The following CNIH2 variants were observed in gnomAD, a reference collection of about 807,000 sequenced individuals.
The protein encoded by CNIH2 is protein cornichon homolog 2.
In CNIH2, 8 loss-of-function variants were observed where a neutral mutation model predicts 22.9. That is an observed-to-expected ratio of 0.35 (90% CI 0.20 to 0.63). The LOEUF is 0.63. Among genes scored for constraint, CNIH2 ranks in the 30% least tolerant of loss-of-function variants. The probability of loss-of-function intolerance (pLI) is 0.72; values close to 1 mark genes in which losing one functional copy is unlikely to be tolerated. For missense variants in CNIH2, 105 were observed against 206.2 expected, an observed-to-expected ratio of 0.51 and a Z score of 3.01; for synonymous variants, 74 against 78.2, an observed-to-expected ratio of 0.95 and a Z score of 0.28.
chr11:66,282,499 T>C, intron 2 of CNIH2, 172 bp downstream of exon 2: 2 of 925,454 alleles, frequency 2.2e-6, no homozygotes, highest in Non-Finnish European at 3.4e-6. Flanking sequence ...CAGGGCTGAG[T>C]TCCTCTTGGC....
In CNIH2 at chr11:66,283,326, C is replaced by T; in HGVS notation, c.390C>T (p.Tyr130=). The T allele has an allele frequency of 6.2e-7, 1 of 1,614,188 alleles. No individual in the cohort carries two copies. Among genetic ancestry groups the T allele is most frequent in the Non-Finnish European group, 8.5e-7 (1 of 1,180,004 alleles). The change falls in exon 5 of 6, where the codon TAC becomes TAT. Residue 130 remains tyrosine (Y), a synonymous_variant. Coordinates refer to ENST00000311445, the MANE Select transcript of CNIH2 (RefSeq NM_182553.3). ...TCATGAATGCTGACATTCTCAACTA[C>T]TGCCAGAAGGAGTCCTGGTGCAAAC... The part of the protein sequence containing the change: ...VSIMNADILN[Y]CQKESWCKLA...
intron 3 of CNIH2, 58 bp from the exon 4 acceptor site, chr11:66,282,977 C>T: frequency 6.6e-7 from 1 of 1,505,338 alleles, no homozygotes; most frequent in Non-Finnish European, 9.2e-7. Context: ...TCTCTGTCCC[C>T]TTGAAGGCTG....
intron 1 of CNIH2, chr11:66,281,639 C>T (rs371299337): frequency 1.1e-5 from 4 of 365,248 alleles, no homozygotes; most frequent in Admixed American, 3.5e-5. Context: ...AATTCTCCAG[C>T]TCCTCTTCCA....
chr11:66,282,635 G>A, intron 2 of CNIH2, 98 bp from the exon 3 acceptor site: 1 of 1,415,274 alleles, frequency 7.1e-7, no homozygotes. Context: ...CGCAGAGATC[G>A]CTCTGGCGCC....
chr11:66,282,659 A>T, intron 2 of CNIH2, 74 bp from the exon 3 acceptor site: 1 of 1,552,212 alleles, frequency 6.4e-7, no homozygotes, highest in Non-Finnish European at 8.9e-7. Flanking sequence ...TGGCGGCCAC[A>T]TGTGGAGCGG....
chr11:66,281,976 G>A (rs981443739), intron 1 of CNIH2, among the ~76,000 whole-genome samples: 8 of 152,034 alleles, frequency 5.3e-5, no homozygotes, highest in African/African-American at 1.7e-4. Flanking sequence ...CTCAGCACAG[G>A]GCCTGAGACT....
Position 66,278,419 on chromosome 11 carries a change from C to T in CNIH2, c.-38C>T. ...GGCGTCCCCTTGCGCCCGGGCCCCG[C>T]GCTGGCGCCCCCCGGGCCGCCGCCC... On this transcript the variant is annotated 5_prime_UTR_variant, in exon 1 of 6. Coordinates refer to ENST00000311445, the MANE Select transcript of CNIH2 (RefSeq NM_182553.3). 3 of 1,048,898 alleles carry T rather than the reference C, an allele frequency of 2.9e-6. No homozygotes were observed. Among genetic ancestry groups the T allele is most frequent in the Non-Finnish European group, 3.5e-6 (3 of 854,552 alleles). The allele number at this position is 1,048,898 out of a possible 1,614,324, so 65.0% of individuals were successfully genotyped here. A position where few individuals can be genotyped will look rare whatever the true frequency, so the allele number is the denominator to read the frequency against.
chr11:66,283,001 C>T (rs2134881673), intron 3 of CNIH2, 34 bp from the exon 4 acceptor site: 5 of 1,572,806 alleles, frequency 3.2e-6, no homozygotes, highest in Non-Finnish European at 3.5e-6. Flanking sequence ...TGTCATAGCA[C>T]CAGGCCGCTG....
chr11:66,283,124 C>T lies in CNIH2; in HGVS notation c.288C>T (p.Pro96=). 6.2e-7 allele frequency: 1 copy of T among 1,613,960 alleles called. No homozygotes were observed. The highest frequency in any genetic ancestry group is 8.5e-7 in the Non-Finnish European group (1 of 1,179,962). Residue 96 remains proline (P), a synonymous_variant, in exon 4 of 6, where the codon CCC becomes CCT. Transcript: ENST00000311445. ...GGGTGACCCTGGGCCTCAACATCCC[C>T]CTCCTCTTCTACCACCTCTGGAGGT... ...AEWVTLGLNI[P]LLFYHLWRYF...
chr11:66,282,611 C>A, intron 2 of CNIH2, 122 bp from the exon 3 acceptor site: 1 of 1,205,572 alleles, frequency 8.3e-7, no homozygotes, highest in Non-Finnish European at 1.2e-6. Flanking sequence ...GCTTCCCGGC[C>A]GTGCCGACAG....
rs1382585078 is a variant in CNIH2, at chr11:66,278,354, CCACGGGCCATGCCCGGCCGGCCCTAAG to C, written c.-101_-75del. The C allele has an allele frequency of 1.9e-5, 6 of 307,896 alleles. No individual in the cohort carries two copies. Among genetic ancestry groups the C allele is most frequent in the Admixed American group, 6.6e-5 (1 of 15,122 alleles). 19.1% of individuals were successfully genotyped at this position (307,896 alleles called of 1,614,324 possible). A position where few individuals can be genotyped will look rare whatever the true frequency, so the allele number is the denominator to read the frequency against. ...CCGCATCACCCACGTCCCCCGAGCC[CCACGGGCCATGCCCGGCCGGCCCTAAG>C]CGCGGGCCGGGGGGCGTCCCCTTGC... On this transcript the variant is annotated 5_prime_UTR_variant, in exon 1 of 6. It removes an upstream start codon present in the reference 5' UTR. Coordinates refer to ENST00000311445, the MANE Select transcript of CNIH2 (RefSeq NM_182553.3).
At chr11:66,281,264 C>G (rs1236593392) in intron 1 of CNIH2, among the ~76,000 whole-genome samples, 1 of 152,220 alleles carries the variant, frequency 6.6e-6, no homozygotes. Context: ...TGGAGTCACA[C>G]TGGGTTAGAA....
rs907259934 is a variant in CNIH2, at chr11:66,278,410, C to G, written c.-47C>G. 5.4e-6 allele frequency: 5 copies of G among 923,588 alleles called. No individual in the cohort carries two copies. The highest frequency in any genetic ancestry group is 6.6e-6 in the Non-Finnish European group (5 of 756,144). The allele number at this position is 923,588 out of a possible 1,614,324, so 57.2% of individuals were successfully genotyped here. On this transcript the variant is annotated 5_prime_UTR_variant, in exon 1 of 6. Coordinates refer to ENST00000311445, the MANE Select transcript of CNIH2 (RefSeq NM_182553.3). ...GGGCCGGGGGGCGTCCCCTTGCGCC[C>G]GGGCCCCGCGCTGGCGCCCCCCGGG...
In CNIH2 at chr11:66,282,449, C is replaced by A. The variant is rs1277194251; in HGVS notation, c.150+122C>A. 7 of 1,150,630 alleles carry A rather than the reference C, an allele frequency of 6.1e-6. No homozygotes were observed. In the East Asian group the frequency reaches 1.0e-4, roughly 17 times the overall value. 71.3% of individuals were successfully genotyped at this position (1,150,630 alleles called of 1,614,324 possible). Reference sequence around the variant, plus strand: ...GGGGGGCCTACGGCCATGCCCCCTTCCTCTCTGTCTCCGCCCCCAGCAAAC... The same window carrying A: ...GGGGGGCCTACGGCCATGCCCCCTTACTCTCTGTCTCCGCCCCCAGCAAAC... On this transcript the variant is annotated intron_variant, in intron 2 of 5. Coordinates refer to ENST00000311445, the MANE Select transcript of CNIH2 (RefSeq NM_182553.3).
At position 66,282,723 on chromosome 11, in the gene CNIH2, C is replaced by A. The variant is rs746081122; in HGVS notation, c.151-10C>A. The A allele has an allele frequency of 1.2e-6, 2 of 1,613,682 alleles. No homozygotes were observed. The highest frequency in any genetic ancestry group is 4.5e-5 in the East Asian group (2 of 44,862). ...GCCACCCCATCGCGGCCTTTTCCTT[C>A]CCCCAACAGCGCGAGCGTTTAAAAA... On this transcript the variant is annotated splice_polypyrimidine_tract_variant and intron_variant, in intron 2 of 5. Coordinates refer to ENST00000311445, the MANE Select transcript of CNIH2 (RefSeq NM_182553.3).
rs1334531496 is a variant in CNIH2, at chr11:66,278,331, G to C, written c.-126G>C. 1.6e-4 allele frequency: 33 copies of C among 207,822 alleles called. No homozygotes were observed. Among genetic ancestry groups the C allele is most frequent in the African/African-American group, 7.6e-4 (32 of 42,008 alleles). The allele number at this position is 207,822 out of a possible 1,614,324, so 12.9% of individuals were successfully genotyped here. A position where few individuals can be genotyped will look rare whatever the true frequency, so the allele number is the denominator to read the frequency against. The stretch of plus-strand genomic sequence containing the variant: ...CGGCCCCGCGGTCCCGGTCCCGGCC[G>C]CATCACCCACGTCCCCCGAGCCCCA... On this transcript the variant is annotated 5_prime_UTR_variant, in exon 1 of 6. Coordinates refer to ENST00000311445, the MANE Select transcript of CNIH2 (RefSeq NM_182553.3).
At chr11:66,282,429 G>GTTGGGGGGGGGGGGGGGGGGGGGC in intron 2 of CNIH2, 102 bp downstream of exon 2, 2 of 479,464 alleles carry the variant, frequency 4.2e-6, no homozygotes, top group Non-Finnish European at 4.2e-6. Flanking sequence ...GGGGTGGGGG[G>GTTGGGGGGGGGGGGGGGGGGGGGC]CCTACGGCCA....
At chr11:66,282,423 T>TTGGGGGGGGGGGGGGGG in intron 2 of CNIH2, 96 bp downstream of exon 2, 3 of 147,066 alleles carry the variant, frequency 2.0e-5, no homozygotes, top group Admixed American at 8.8e-5. Flanking sequence ...GGGGGTGGGG[T>TTGGGGGGGGGGGGGGGG]GGGGGGCCTA....
intron 2 of CNIH2, 67 bp downstream of exon 2, chr11:66,282,394 G>A (rs759764448): frequency 1.4e-6 from 2 of 1,439,528 alleles, no homozygotes; most frequent in Non-Finnish European, 1.9e-6. Flanking sequence ...CGTGGGCTGG[G>A]GGTGGGAGAC....
Sources: gnomAD v4.1 joint callset for allele counts (sites outside exome capture counted in the v4.1 genomes callset) on GRCh38, gnomAD v4.1.1 for gene constraint, MANE v1.5 for transcripts, NCBI Gene and HGNC (gene_info 2026-07-23, HGNC 2026-07-21) for gene names.